The following GRB10 variants were observed in gnomAD, a reference collection of about 807,000 sequenced individuals.
GRB10 encodes growth factor receptor bound protein 10, also known as growth factor receptor-bound protein 10.
A neutral mutation model predicts 80.9 loss-of-function variants in GRB10; 20 were observed. That is an observed-to-expected ratio of 0.25 (90% CI 0.17 to 0.36). The LOEUF (loss-of-function observed/expected upper bound fraction) is 0.36, where lower values mean the gene tolerates loss of function less well. Ranked by LOEUF, GRB10 falls within the 10% of genes least tolerant of loss-of-function variation. The pLI is 1.00. For missense variants in GRB10, 548 were observed against 747.7 expected (o/e 0.73, Z 3.12); for synonymous variants, 291 against 291.5 (o/e 1.00, Z 0.02).
upstream of GRB10, among the ~76,000 whole-genome samples, chr7:50,786,385 C>T (rs910180776): frequency 6.6e-6 from 1 of 152,190 alleles, no homozygotes; most frequent in African/African-American, 2.4e-5. Context: ...GGGCCCTCAA[C>T]ATACCCCACA....
rs905697914 is a variant in GRB10 at position 50,660,385 on chromosome 7, G to T, written c.504+9337C>A. ...GCCATGTCCATGCAGGAAGTGGGGT[G>T]GAGTGGACGTCCTGCCACGTTCACA... On this transcript the variant is annotated intron_variant, in intron 7 of 18. Transcript: ENST00000401949. Among the ~76,000 whole-genome samples, 3 of 152,310 alleles carry T rather than the reference G, an allele frequency of 2.0e-5. No homozygotes were observed. In the East Asian group the frequency reaches 5.8e-4, roughly 29 times the overall value.
intron 7 of GRB10, among the ~76,000 whole-genome samples, chr7:50,656,076 A>G (rs2058612808): frequency 6.6e-6 from 1 of 152,242 alleles, no homozygotes; most frequent in Non-Finnish European, 1.5e-5. Context: ...CAGTACCTGC[A>G]TGTAGAAACC....
intron 4 of GRB10, among the ~76,000 whole-genome samples, chr7:50,709,771 G>C (rs1048028276): frequency 6.6e-6 from 1 of 152,100 alleles, no homozygotes; most frequent in Non-Finnish European, 1.5e-5. Flanking sequence ...TAGGGTACCA[G>C]GTGGCCTGGT....
chr7:50,702,712 A>T (rs953350445), intron 5 of GRB10, among the ~76,000 whole-genome samples: 1 of 152,198 alleles, frequency 6.6e-6, no homozygotes, highest in East Asian at 1.9e-4. Context: ...TCTTCTACAC[A>T]GAATGTGCTC....
At chr7:50,730,997 A>T (rs770137224) in intron 4 of GRB10, among the ~76,000 whole-genome samples, 14 of 152,156 alleles carry the variant, frequency 9.2e-5, no homozygotes, top group Non-Finnish European at 1.9e-4. Context: ...ACTAGCTAAC[A>T]CTAACTGGCC....
intron 18 of GRB10, among the ~76,000 whole-genome samples, chr7:50,593,953 T>A (rs1458444858): frequency 1.3e-5 from 2 of 150,914 alleles, no homozygotes; most frequent in Admixed American, 6.6e-5. Flanking sequence ...CATTACACAC[T>A]CTGCCTACCA....
intron 4 of GRB10, among the ~76,000 whole-genome samples, chr7:50,718,875 C>T (rs1428033291): frequency 6.6e-6 from 1 of 152,112 alleles, no homozygotes; most frequent in Non-Finnish European, 1.5e-5. Context: ...AATCTTTACC[C>T]AAGGGTGACA....
chr7:50,689,302 CCTG>C (rs1324422230), intron 5 of GRB10, among the ~76,000 whole-genome samples: 8 of 152,302 alleles, frequency 5.3e-5, no homozygotes, highest in African/African-American at 1.9e-4. Context: ...AGATTAGAAG[CCTG>C]CTGCAATTAT....
At chr7:50,619,359 AT>A (rs1398401309) in intron 8 of GRB10, 74 bp from the exon 9 acceptor site, 1 of 875,412 alleles carries the variant, frequency 1.1e-6, no homozygotes, top group Non-Finnish European at 1.9e-6. Flanking sequence ...CAAATGGAAG[AT>A]TTGTTCAACT....
intron 7 of GRB10, among the ~76,000 whole-genome samples, chr7:50,639,274 A>G (rs188759719): frequency 1.3e-5 from 2 of 152,364 alleles, no homozygotes; most frequent in African/African-American, 4.8e-5. Context: ...TCTGCTTTAT[A>G]ATTGATAGAT....
intron 4 of GRB10, among the ~76,000 whole-genome samples, chr7:50,711,918 G>A (rs796423141): frequency 3.9e-5 from 6 of 152,200 alleles, no homozygotes; most frequent in African/African-American, 1.4e-4. Flanking sequence ...CTTTACAGAT[G>A]AGGAAAAAGG....
intron 5 of GRB10, among the ~76,000 whole-genome samples, chr7:50,694,132 T>C (rs537225959): frequency 3.9e-5 from 6 of 152,168 alleles, no homozygotes; most frequent in Non-Finnish European, 8.8e-5. Flanking sequence ...AAGACCAGCC[T>C]GGCCAACATG....
At chr7:50,648,924 T>A (rs1375329051) in intron 7 of GRB10, among the ~76,000 whole-genome samples, 1 of 152,166 alleles carries the variant, frequency 6.6e-6, no homozygotes, top group East Asian at 1.9e-4. Flanking sequence ...TAGCTCCTGA[T>A]GGATGCATTG....
At chr7:50,748,440 G>GT (rs950626352) in intron 3 of GRB10, among the ~76,000 whole-genome samples, 3 of 152,230 alleles carry the variant, frequency 2.0e-5, no homozygotes, top group African/African-American at 7.2e-5. Flanking sequence ...GAAATTAGGA[G>GT]TGGAGAAAGG....
At chr7:50,681,239 C>T (rs1463005166) in intron 5 of GRB10, among the ~76,000 whole-genome samples, 1 of 152,158 alleles carries the variant, frequency 6.6e-6, no homozygotes, top group Non-Finnish European at 1.5e-5. Flanking sequence ...TGGCAGGGTG[C>T]AGAAGGCTGG....
Position 50,627,710 on chromosome 7 carries a change from C to G in GRB10, c.505-732G>C, listed in dbSNP as rs148603491. Among the ~76,000 whole-genome samples the G allele has an allele frequency of 3.0e-3, 450 of 152,342 alleles. 4 individuals are homozygous for G. The highest frequency in any genetic ancestry group is 9.9e-3 in the African/African-American group (412 of 41,586). On this transcript the variant is annotated intron_variant, in intron 7 of 18. Coordinates refer to ENST00000401949, the MANE Select transcript of GRB10 (RefSeq NM_001350814.2). ...GAGTCTATCCCTTCCAGGCAAGACC[C>G]TGCAGCAATGCACCCTTCCCAGAAC...
At chr7:50,616,464 A>C in intron 10 of GRB10, 117 bp from the exon 11 acceptor site, 1 of 946,534 alleles carries the variant, frequency 1.1e-6, no homozygotes, top group Non-Finnish European at 1.6e-6. Flanking sequence ...TTTGGATCAA[A>C]ATGAGAGTGT....
intron 7 of GRB10, among the ~76,000 whole-genome samples, chr7:50,656,218 A>T (rs1463203680): frequency 6.6e-6 from 1 of 152,144 alleles, no homozygotes; most frequent in Non-Finnish European, 1.5e-5. Flanking sequence ...AGAGTGTGAG[A>T]TGTGCACACA....
At chr7:50,791,969 G>A (rs1460982817) in intron 1 of GRB10, among the ~76,000 whole-genome samples, 2 of 152,210 alleles carry the variant, frequency 1.3e-5, no homozygotes, top group Non-Finnish European at 1.5e-5. Flanking sequence ...TGGAAAGAGA[G>A]GAACTCGGGG....
Sources: gnomAD v4.1 joint callset for allele counts (sites outside exome capture counted in the v4.1 genomes callset) on GRCh38, gnomAD v4.1.1 for gene constraint, MANE v1.5 for transcripts, NCBI Gene and HGNC (gene_info 2026-07-23, HGNC 2026-07-21) for gene names.